LIMCH1: variants seen among roughly 807,000 people sequenced by gnomAD.
LIMCH1 encodes the protein LIM and calponin homology domains-containing protein 1.
LIMCH1 carries 113 observed loss-of-function variants against 176.5 expected under a neutral mutation model. The ratio of observed to expected loss-of-function variants is 0.64; its 90% confidence interval spans 0.55 to 0.75. LIMCH1 has a LOEUF of 0.75. LIMCH1 is among the 30% of genes least tolerant of loss of function. The pLI is 0.00. For missense variants in LIMCH1, 1,674 were observed against 1,814.9 expected, an observed-to-expected ratio of 0.92 and a Z score of 1.41; for synonymous variants, 619 against 645.9, an observed-to-expected ratio of 0.96 and a Z score of 0.63.
At chr4:41,551,980 A>G (rs2080502052) in intron 1 of LIMCH1, among the ~76,000 whole-genome samples, 1 of 152,320 alleles carries the variant, frequency 6.6e-6, no homozygotes, top group African/African-American at 2.4e-5. Context: ...TAAAGGAAAG[A>G]GGTTTAATGG....
At chr4:41,432,047 G>A (rs1359731423) in intron 1 of LIMCH1, among the ~76,000 whole-genome samples, 1 of 152,144 alleles carries the variant, frequency 6.6e-6, no homozygotes, top group African/African-American at 2.4e-5. Context: ...ATTTAGGCTA[G>A]GATGTTAAAT....
chr4:41,488,639 A>G (rs1344378332), intron 1 of LIMCH1, among the ~76,000 whole-genome samples: 1 of 152,148 alleles, frequency 6.6e-6, no homozygotes, highest in East Asian at 1.9e-4. Flanking sequence ...TTTTTTTTGT[A>G]ACAAAAAGTC....
At chr4:41,415,945 C>G (rs1381161952) in intron 1 of LIMCH1, among the ~76,000 whole-genome samples, 3 of 151,906 alleles carry the variant, frequency 2.0e-5, no homozygotes, top group Non-Finnish European at 4.4e-5. Context: ...CCATTGCACT[C>G]CAGCCTGGGT....
chr4:41,672,978 C>T (rs2095100927), intron 22 of LIMCH1, among the ~76,000 whole-genome samples: 3 of 152,222 alleles, frequency 2.0e-5, no homozygotes, highest in Non-Finnish European at 4.4e-5. Context: ...GCCCCTAGCA[C>T]AGTGGCTGAT....
chr4:41,562,076 G>C (rs6830907), intron 1 of LIMCH1, among the ~76,000 whole-genome samples: 11,143 of 152,172 alleles, frequency 0.073, 1,340 homozygotes, highest in African/African-American at 0.25. Flanking sequence ...GCAGTGTTCA[G>C]AAGTAGCCAA....
chr4:41,374,501 T>G (rs2054436595), intron 1 of LIMCH1, among the ~76,000 whole-genome samples: 1 of 152,192 alleles, frequency 6.6e-6, no homozygotes, highest in Non-Finnish European at 1.5e-5. Context: ...GTATGATATA[T>G]TTAAAAATGT....
intron 13 of LIMCH1, 123 bp downstream of exon 13, chr4:41,633,931 C>G: frequency 6.2e-6 from 7 of 1,137,790 alleles, no homozygotes; most frequent in Admixed American, 5.5e-5. Flanking sequence ...ACAGAATGAT[C>G]AAAATTGGCC....
chr4:41,434,957 A>G lies in LIMCH1; in HGVS notation c.97-59579A>G, dbSNP rs562951487. The stretch of plus-strand genomic sequence containing the variant: ...CTACAGTTGGGTCTCCCTTTTTCCA[A>G]TAGTCTGAATAAAGTCTTCCTATGG... On this transcript the variant is annotated intron_variant, in intron 1 of 26. Transcript: ENST00000313860. 4.6e-5 allele frequency among the ~76,000 whole-genome samples: 7 copies of G among 152,362 alleles called. No homozygotes were observed. The East Asian group carries it at 7.7e-4, about 17-fold the overall frequency.
At chr4:41,465,744 T>C (rs964927247) in intron 1 of LIMCH1, among the ~76,000 whole-genome samples, 8 of 152,222 alleles carry the variant, frequency 5.3e-5, no homozygotes, top group Non-Finnish European at 1.0e-4. Context: ...TAATTTTCTA[T>C]ACATGTAGAA....
intron 1 of LIMCH1, among the ~76,000 whole-genome samples, chr4:41,542,348 C>T (rs2078776706): frequency 7.0e-6 from 1 of 142,584 alleles, no homozygotes. Flanking sequence ...ATGTGTTTTT[C>T]TCTCTTTCTT....
At chr4:41,366,470 T>C (rs2053004027) in intron 1 of LIMCH1, among the ~76,000 whole-genome samples, 1 of 152,174 alleles carries the variant, frequency 6.6e-6, no homozygotes, top group African/African-American at 2.4e-5. Flanking sequence ...TTAGGATGTG[T>C]GTGTGTTTAC....
chr4:41,362,391 G>C (rs184811099), intron 1 of LIMCH1, among the ~76,000 whole-genome samples: 8 of 152,290 alleles, frequency 5.3e-5, no homozygotes, highest in African/African-American at 1.9e-4. Context: ...CAGGTGCTCT[G>C]CCTGTGTTGC....
At chr4:41,647,719 CTGAT>C (rs1168022918) in intron 17 of LIMCH1, among the ~76,000 whole-genome samples, 2 of 152,346 alleles carry the variant, frequency 1.3e-5, no homozygotes, top group Admixed American at 6.5e-5. Flanking sequence ...GTTTTCGTAA[CTGAT>C]TGAGCAGTGT....
At chr4:41,681,125 G>C in intron 25 of LIMCH1, 66 bp downstream of exon 25, 1 of 949,752 alleles carries the variant, frequency 1.1e-6, no homozygotes, top group South Asian at 1.4e-5. Context: ...CAAACCCCAA[G>C]ACCAAGGTTA....
chr4:41,594,775 T>TCAAAGG (rs1482576050), intron 1 of LIMCH1, among the ~76,000 whole-genome samples: 1 of 152,146 alleles, frequency 6.6e-6, no homozygotes, highest in Non-Finnish European at 1.5e-5. Context: ...AGCATGGTGT[T>TCAAAGG]CAAAGGCGTG....
intron 15 of LIMCH1, 124 bp downstream of exon 15, chr4:41,644,750 G>A (rs1039620880): frequency 8.4e-7 from 1 of 1,186,686 alleles, no homozygotes; most frequent in African/African-American, 1.6e-5. Flanking sequence ...GTTTCAAAAG[G>A]TGACACGGTA....
At chr4:41,417,459 C>T (rs1471034614) in intron 1 of LIMCH1, among the ~76,000 whole-genome samples, 1 of 152,188 alleles carries the variant, frequency 6.6e-6, no homozygotes, top group Non-Finnish European at 1.5e-5. Context: ...ATAGGAAAAA[C>T]AACCCTGATA....
chr4:41,638,687 G>A (rs998979033), intron 13 of LIMCH1, among the ~76,000 whole-genome samples: 1 of 152,006 alleles, frequency 6.6e-6, no homozygotes, highest in African/African-American at 2.4e-5. Flanking sequence ...GGTAGTGTGG[G>A]GATTATTTTC....
At chr4:41,534,165 G>A (rs74344411), upstream of LIMCH1, among the ~76,000 whole-genome samples, 10,468 of 152,168 alleles carry the variant, frequency 0.069, 467 homozygotes, top group Non-Finnish European at 0.11. Context: ...AATGAGAGAG[G>A]ATGGACACTT....
Sources: gnomAD v4.1 joint callset for allele counts (sites outside exome capture counted in the v4.1 genomes callset) on GRCh38, gnomAD v4.1.1 for gene constraint, MANE v1.5 for transcripts, NCBI Gene and HGNC (gene_info 2026-07-23, HGNC 2026-07-21) for gene names.